Variants in RSPH3 observed in about 807,000 individuals in gnomAD.
The protein encoded by RSPH3 is radial spoke head 3, also known as radial spoke head protein 3 homolog.
A neutral mutation model predicts 43.8 loss-of-function variants in RSPH3; 21 were observed. The ratio of observed to expected loss-of-function variants is 0.48; its 90% CI spans 0.34 to 0.69. The LOEUF is 0.69. Among genes scored for constraint, RSPH3 ranks in the 30% least tolerant of loss-of-function variants. RSPH3 has a pLI of 0.01. For missense variants in RSPH3, 487 were observed against 516.0 expected (o/e 0.94, Z 0.54); for synonymous variants, 173 against 179.8 (o/e 0.96, Z 0.30).
chr6:158,984,128 T>C (rs1778133334), intron 3 of RSPH3, among the ~76,000 whole-genome samples: 1 of 151,980 alleles, frequency 6.6e-6, no homozygotes. Context: ...AGTGAGACTC[T>C]GTCTCAAAGA....
At chr6:158,990,694 G>A (rs934661200) in intron 2 of RSPH3, 2 of 151,764 alleles carry the variant, frequency 1.3e-5, no homozygotes, top group Non-Finnish European at 2.9e-5. Flanking sequence ...TTTGTCTCGG[G>A]TAGATTTCTT....
At chr6:158,994,021 A>G in intron 1 of RSPH3, 95 bp from the exon 2 acceptor site, 1 of 636,660 alleles carries the variant, frequency 1.6e-6, no homozygotes, top group Non-Finnish European at 2.7e-6. Context: ...AAATCAATAT[A>G]TTTTAAGAAA....
intron 3 of RSPH3, among the ~76,000 whole-genome samples, chr6:158,984,267 G>T (rs976673358): frequency 1.9e-4 from 29 of 151,532 alleles, no homozygotes; most frequent in African/African-American, 6.8e-4. Context: ...CTCACATACT[G>T]AACTAAGAGT....
intron 2 of RSPH3, among the ~76,000 whole-genome samples, chr6:158,988,860 C>G (rs150034302): frequency 4.9e-4 from 74 of 152,252 alleles, no homozygotes; most frequent in Middle Eastern, 6.8e-3. Flanking sequence ...GGTCAAAGAG[C>G]TCACATCCTG....
rs540324859 is a variant in RSPH3, at chr6:158,975,265, G to T, written c.*2273C>A. The T allele has an allele frequency of 6.6e-6, 1 of 152,136 alleles. No homozygotes were observed. The highest frequency in any genetic ancestry group is 2.4e-5 in the African/African-American group (1 of 41,428). The allele number at this position is 152,136 out of a possible 1,614,324, so 9.4% of individuals were successfully genotyped here. ...AAAATTAATATCTTATAAATGTTAG[G>T]ATGATCATAAAGACTGTTTAACAAG... On this transcript the variant is annotated 3_prime_UTR_variant, in exon 8 of 8. Coordinates refer to ENST00000367069, the MANE Select transcript of RSPH3 (RefSeq NM_031924.8).
At position 159,000,097 on chromosome 6, in the gene RSPH3, C is replaced by T; in HGVS notation, c.-547G>A. ...TGCTCCTGCTCTTCCAGGGTGTCCT[C>T]GGCTGTTTCTCCTGCCGCGGCGCAG... On this transcript the variant is annotated 5_prime_UTR_variant, in exon 1 of 8. Coordinates refer to ENST00000367069, the MANE Select transcript of RSPH3 (RefSeq NM_031924.8). The T allele has an allele frequency of 9.3e-7, 1 of 1,075,010 alleles. No homozygotes were observed. The highest frequency in any genetic ancestry group is 2.8e-5 in the East Asian group (1 of 35,472). The allele number at this position is 1,075,010 out of a possible 1,614,324, so 66.6% of individuals were successfully genotyped here.
At chr6:158,964,453 TGC>T in the RSPH3 span, among the ~76,000 whole-genome samples, 2 of 152,178 alleles carry the variant, frequency 1.3e-5, no homozygotes, top group Non-Finnish European at 2.9e-5. Flanking sequence ...TAACTTTATT[TGC>T]TTGAATGAGT....
intron 4 of RSPH3, among the ~76,000 whole-genome samples, chr6:158,983,052 G>C (rs563075079): frequency 6.6e-6 from 1 of 152,236 alleles, no homozygotes; most frequent in East Asian, 1.9e-4. Flanking sequence ...GTGATTCATT[G>C]CTAGGATTTA....
At chr6:158,981,564 T>A (rs1351854607) in intron 5 of RSPH3, among the ~76,000 whole-genome samples, 1 of 152,140 alleles carries the variant, frequency 6.6e-6, no homozygotes, top group Non-Finnish European at 1.5e-5. Flanking sequence ...AATAAACAAA[T>A]ATTTTTTGAT....
chr6:158,988,333 C>T (rs1278154574), intron 2 of RSPH3: 1 of 152,040 alleles, frequency 6.6e-6, no homozygotes, highest in East Asian at 1.9e-4. Context: ...TTGTCCTTGA[C>T]CTTTGAGAGC....
chr6:158,982,344 T>C, intron 5 of RSPH3, 141 bp downstream of exon 5: 1 of 575,996 alleles, frequency 1.7e-6, no homozygotes, highest in Non-Finnish European at 3.0e-6. Context: ...TAGGAGAGAC[T>C]TGAGCAAAAA....
intron 2 of RSPH3, among the ~76,000 whole-genome samples, chr6:158,991,339 C>T (rs1778399537): frequency 6.6e-6 from 1 of 152,140 alleles, no homozygotes; most frequent in East Asian, 1.9e-4. Flanking sequence ...TTTAATTTTT[C>T]AGTAGGAAGT....
At chr6:158,972,787 G>A (rs1445356527), downstream of RSPH3, 2 of 152,088 alleles carry the variant, frequency 1.3e-5, no homozygotes, top group East Asian at 1.9e-4. Flanking sequence ...TTGATTATAA[G>A]CAAGCCTATA....
Position 158,980,902 on chromosome 6 carries a change from T to C in RSPH3, c.731A>G (p.His244Arg), listed in dbSNP as rs1299614576. ...RRKKQQWEIMHKHNETSQKIA... is the reference protein window; with the variant it reads ...RRKKQQWEIMRKHNETSQKIA... ...TTTTTGTGATGTCTCGTTGTGCTTG[T>C]GCATTATTTCCCACTGCTGTTTCTT... Residue 244 changes from histidine (H) to arginine (R), a missense_variant, in exon 6 of 8, where the codon CAC (histidine) becomes CGC (arginine). Transcript: ENST00000367069. The C allele has an allele frequency of 2.5e-6, 4 of 1,614,050 alleles. No homozygotes were observed. Among genetic ancestry groups the C allele is most frequent in the African/African-American group, 1.3e-5 (1 of 74,926 alleles).
chr6:158,981,029 T>A, intron 5 of RSPH3, 93 bp from the exon 6 acceptor site: 4 of 1,241,692 alleles, frequency 3.2e-6, no homozygotes, highest in South Asian at 1.5e-5. Flanking sequence ...TCCAGACTTA[T>A]CAAAAAATGG....
the RSPH3 span, among the ~76,000 whole-genome samples, chr6:158,966,528 T>C: frequency 2.0e-5 from 3 of 152,182 alleles, no homozygotes; most frequent in African/African-American, 7.2e-5. Flanking sequence ...GGTTTTCTAT[T>C]TCTTTTTGAG....
chr6:158,999,506 G>C lies in RSPH3; in HGVS notation c.45C>G (p.Thr15=). 5 of 1,560,818 alleles carry C rather than the reference G, an allele frequency of 3.2e-6. No homozygotes were observed. The highest frequency in any genetic ancestry group is 4.3e-6 in the Non-Finnish European group (5 of 1,149,654). ...LTDRTSRAPS[T]YTYTSRPRAL... ...CTCGGGGCCGGCTGGTGTAGGTGTAGGTGCTCGGGGCCCGAGAGGTGCGAT... is the reference window on the plus strand; with the variant it reads ...CTCGGGGCCGGCTGGTGTAGGTGTACGTGCTCGGGGCCCGAGAGGTGCGAT... Residue 15 remains threonine, a synonymous_variant, in exon 1 of 8, where the codon ACC becomes ACG. Transcript: ENST00000367069.
Position 158,999,485 on chromosome 6 carries a change from G to A in RSPH3, c.66C>T (p.Pro22=), listed in dbSNP as rs1432868352. 1.3e-6 allele frequency: 2 copies of A among 1,531,972 alleles called. No homozygotes were observed. Among genetic ancestry groups the A allele is most frequent in the Admixed American group, 2.0e-5 (1 of 49,926 alleles). 94.9% of individuals were successfully genotyped at this position (1,531,972 alleles called of 1,614,324 possible). A position where few individuals can be genotyped will look rare whatever the true frequency, so the allele number is the denominator to read the frequency against. The change falls in exon 1 of 8, where the codon CCC becomes CCT. Residue 22 remains proline (P), a synonymous_variant. Transcript: ENST00000367069. ...APSTYTYTSR[P]RALPCQRSRY... ...GGCTGCGCTGGCAGGGCAGTGCTCG[G>A]GGCCGGCTGGTGTAGGTGTAGGTGC...
Position 158,982,673 on chromosome 6 carries a change from G to C in RSPH3, c.508C>G (p.Leu170Val), listed in dbSNP as rs1332385327. ...ILEGELFDFDLEVKPVLEVLV... is the reference protein window; with the variant it reads ...ILEGELFDFDVEVKPVLEVLV... ...ACTTCTAACACTGGTTTAACTTCAA[G>C]ATCAAAGTCAAAGAGCTTAAACATA... The change falls in exon 5 of 8, where the codon CTT (leucine) becomes GTT (valine). Residue 170 changes from leucine (L) to valine (V), a missense_variant. Leu to Val is a conservative substitution (Grantham distance 32, BLOSUM62 1). Coordinates refer to ENST00000367069, the MANE Select transcript of RSPH3 (RefSeq NM_031924.8). 1.9e-6 allele frequency: 3 copies of C among 1,612,580 alleles called. No individual in the cohort carries two copies. The highest frequency in any genetic ancestry group is 2.5e-6 in the Non-Finnish European group (3 of 1,179,096).
Sources: gnomAD v4.1 joint callset for allele counts (sites outside exome capture counted in the v4.1 genomes callset) on GRCh38, gnomAD v4.1.1 for gene constraint, MANE v1.5 for transcripts, NCBI Gene and HGNC (gene_info 2026-07-23, HGNC 2026-07-21) for gene names.